TBC1D5: variants seen among roughly 807,000 people sequenced by gnomAD.
The protein encoded by TBC1D5 is TBC1 domain family member 5, also known as TBC1 domain family, member 5.
Under a neutral mutation model 100.3 loss-of-function variants are expected in TBC1D5, and 75 were observed. The ratio of observed to expected loss-of-function variants is 0.75; its 90% CI spans 0.62 to 0.91. TBC1D5 has a LOEUF of 0.91. Ranked by LOEUF, TBC1D5 falls within the 40% of genes least tolerant of loss-of-function variation. The probability of loss-of-function intolerance (pLI) is 0.00; values close to 1 mark genes in which losing one functional copy is unlikely to be tolerated. For synonymous variants in TBC1D5, 323 were observed against 325.6 expected, an observed-to-expected ratio of 0.99 and a Z score of 0.09; for missense variants, 910 against 942.4, an observed-to-expected ratio of 0.97 and a Z score of 0.45.
intron 13 of TBC1D5, among the ~76,000 whole-genome samples, chr3:17,341,219 T>C (rs1450018933): frequency 2.0e-5 from 3 of 152,026 alleles, no homozygotes; most frequent in African/African-American, 7.2e-5. Context: ...TTTTTTGAGA[T>C]GGAGTCTCGC....
At chr3:17,471,670 C>CAAAAAAAAA (rs753132440) in intron 3 of TBC1D5, among the ~76,000 whole-genome samples, 4 of 22,302 alleles carry the variant, frequency 1.8e-4, no homozygotes, top group East Asian at 1.2e-3. Context: ...GACTCCGTCT[C>CAAAAAAAAA]AAAAAAAAAA....
chr3:17,641,465 A>C (rs1239471085), intron 1 of TBC1D5, among the ~76,000 whole-genome samples: 1 of 152,096 alleles, frequency 6.6e-6, no homozygotes, highest in Non-Finnish European at 1.5e-5. Flanking sequence ...GTCATATATA[A>C]AGTGGGGACC....
At chr3:17,733,781 T>C (rs563159306) in intron 1 of TBC1D5, among the ~76,000 whole-genome samples, 1 of 151,914 alleles carries the variant, frequency 6.6e-6, no homozygotes, top group East Asian at 1.9e-4. Flanking sequence ...TTAAAAAAAA[T>C]GGCTGGCTCC....
chr3:17,658,276 T>G (rs1295804936), intron 1 of TBC1D5, among the ~76,000 whole-genome samples: 1 of 152,250 alleles, frequency 6.6e-6, no homozygotes, highest in African/African-American at 2.4e-5. Flanking sequence ...ATTAGCTATT[T>G]GATTTCCTGC....
Position 17,261,485 on chromosome 3 carries a change from G to GGGGTT in TBC1D5, c.1246-2895_1246-2894insAACCC, listed in dbSNP as rs1445536120. 1.3e-4 allele frequency among the ~76,000 whole-genome samples: 19 copies of GGGGTT among 148,742 alleles called. No individual in the cohort carries two copies. In the Admixed American group the frequency reaches 1.3e-3, roughly 10 times the overall value. On this transcript the variant is annotated intron_variant, in intron 15 of 21. Coordinates refer to ENST00000253692, the Ensembl canonical transcript of TBC1D5. Reference sequence around the variant, plus strand: ...CCTTTTTTGGGGGGTGGGGTGGGGTGGGGGGGGAGACAGGGTCTCATTCTG... The same window carrying GGGGTT: ...CCTTTTTTGGGGGGTGGGGTGGGGTGGGGTTGGGGGGGAGACAGGGTCTCATTCTG...
chr3:17,379,144 T>C (rs1212924547), intron 9 of TBC1D5, among the ~76,000 whole-genome samples: 1 of 151,848 alleles, frequency 6.6e-6, no homozygotes, highest in African/African-American at 2.4e-5. Context: ...TTCCAGGCTA[T>C]GTCATTATCA....
chr3:17,299,250 A>C (rs367926459), intron 14 of TBC1D5, among the ~76,000 whole-genome samples: 1 of 152,182 alleles, frequency 6.6e-6, no homozygotes, highest in East Asian at 1.9e-4. Flanking sequence ...GGGAAGATTC[A>C]TGTCCAGGGC....
chr3:17,682,117 G>A (rs1429639335), intron 1 of TBC1D5, among the ~76,000 whole-genome samples: 1 of 151,290 alleles, frequency 6.6e-6, no homozygotes, highest in African/African-American at 2.5e-5. Context: ...GGGAACTGCT[G>A]AATTAGAAGA....
At chr3:17,455,480 G>GTA (rs1307497848) in intron 3 of TBC1D5, among the ~76,000 whole-genome samples, 7 of 141,038 alleles carry the variant, frequency 5.0e-5, no homozygotes, top group Non-Finnish European at 9.1e-5. Flanking sequence ...GTATATATAT[G>GTA]TATATATATG....
intron 2 of TBC1D5, among the ~76,000 whole-genome samples, chr3:17,550,121 C>G (rs1438284809): frequency 6.6e-6 from 1 of 152,024 alleles, no homozygotes; most frequent in Non-Finnish European, 1.5e-5. Flanking sequence ...TCATGAGTAT[C>G]AAAATTGACT....
chr3:17,285,028 C>A (rs2081022660), intron 15 of TBC1D5, among the ~76,000 whole-genome samples: 1 of 149,520 alleles, frequency 6.7e-6, no homozygotes, highest in Non-Finnish European at 1.5e-5. Flanking sequence ...TGAAGAATGG[C>A]AGTTTTCTAA....
intron 13 of TBC1D5, among the ~76,000 whole-genome samples, chr3:17,365,354 T>C (rs538402701): frequency 1.6e-4 from 24 of 152,310 alleles, no homozygotes; most frequent in African/African-American, 5.3e-4. Flanking sequence ...CCTTTGACTA[T>C]GCTAAAATAC....
intron 2 of TBC1D5, among the ~76,000 whole-genome samples, chr3:17,545,425 TGTTTAAGCCACTAAG>T (rs2096405254): frequency 6.6e-6 from 1 of 152,224 alleles, no homozygotes; most frequent in African/African-American, 2.4e-5. Flanking sequence ...TAAACTCTGT[TGTTTAAGCCACTAAG>T]TTTGTGGTAC....
chr3:17,235,379 G>T (rs1192425744), intron 17 of TBC1D5, among the ~76,000 whole-genome samples: 1 of 152,150 alleles, frequency 6.6e-6, no homozygotes, highest in African/African-American at 2.4e-5. Context: ...AAATTTTCCA[G>T]CAGAGTACAC....
chr3:17,343,901 A>T (rs2089430360), intron 13 of TBC1D5, among the ~76,000 whole-genome samples: 1 of 151,572 alleles, frequency 6.6e-6, no homozygotes, highest in Non-Finnish European at 1.5e-5. Flanking sequence ...AATTTTGTTG[A>T]TCCTTTCAAA....
At chr3:17,621,343 T>C (rs1023335834) in intron 2 of TBC1D5, among the ~76,000 whole-genome samples, 4 of 152,218 alleles carry the variant, frequency 2.6e-5, no homozygotes, top group African/African-American at 9.6e-5. Flanking sequence ...ATCAACACAC[T>C]AGTGCCAAGA....
chr3:17,373,658 A>G (rs945339623), intron 12 of TBC1D5, among the ~76,000 whole-genome samples: 1 of 152,186 alleles, frequency 6.6e-6, no homozygotes, highest in African/African-American at 2.4e-5. Flanking sequence ...ATATCTATAT[A>G]ATGCAATATT....
chr3:17,383,997 A>C, exon 9 of TBC1D5: 1 of 1,597,194 alleles, frequency 6.3e-7, no homozygotes, highest in Non-Finnish European at 8.6e-7. Flanking sequence ...CTTGCTGGAA[A>C]AACTGCATTT....
intron 3 of TBC1D5, among the ~76,000 whole-genome samples, chr3:17,490,296 G>A (rs541310222): frequency 2.0e-5 from 3 of 150,966 alleles, no homozygotes; most frequent in Non-Finnish European, 4.5e-5. Context: ...TGTAGGCTGC[G>A]CTGATGATAG....
Sources: allele counts gnomAD v4.1 joint callset (sites outside exome capture counted in the v4.1 genomes callset), GRCh38; gene constraint gnomAD v4.1.1; transcripts MANE v1.5; gene names NCBI Gene and HGNC (gene_info 2026-07-23, HGNC 2026-07-21).